The following NRXN3 variants were observed in gnomAD, a reference collection of about 807,000 sequenced individuals.
NRXN3 encodes neurexin III.
Under a neutral mutation model 137.6 loss-of-function variants are expected in NRXN3, and 32 were observed. That is an observed-to-expected ratio of 0.23 (90% CI 0.18 to 0.31). The LOEUF (loss-of-function observed/expected upper bound fraction) is 0.31, where lower values mean the gene tolerates loss of function less well. Ranked by LOEUF, NRXN3 falls within the 10% of genes least tolerant of loss-of-function variation. The pLI is 1.00. For missense variants in NRXN3, 1,574 were observed against 2,062.5 expected, an observed-to-expected ratio of 0.76 and a Z score of 4.59; for synonymous variants, 798 against 784.5, an observed-to-expected ratio of 1.02 and a Z score of -0.29.
chr14:79,714,559 G>GT (rs138403394), intron 19 of NRXN3, among the ~76,000 whole-genome samples: 2,870 of 151,932 alleles, frequency 0.019, 94 homozygotes, highest in African/African-American at 0.064. Flanking sequence ...GGAGATTCTT[G>GT]TTTTTTTTAA....
intron 15 of NRXN3, among the ~76,000 whole-genome samples, chr14:79,380,141 T>C (rs2153451741): frequency 9.1e-6 from 1 of 109,912 alleles, no homozygotes; most frequent in East Asian, 3.1e-4. Context: ...GACCTAGATA[T>C]ACTTCTTCTT....
At chr14:78,231,991 G>A (rs1385881710) in intron 1 of NRXN3, among the ~76,000 whole-genome samples, 1 of 152,212 alleles carries the variant, frequency 6.6e-6, no homozygotes, top group African/African-American at 2.4e-5. Flanking sequence ...ATCTGCTCCT[G>A]GCTCCCAGGC....
intron 14 of NRXN3, among the ~76,000 whole-genome samples, chr14:78,978,850 A>T (rs1481466440): frequency 6.6e-6 from 1 of 151,280 alleles, no homozygotes; most frequent in Non-Finnish European, 1.5e-5. Flanking sequence ...GAAACTCCAC[A>T]GTCCGCTGTC....
At chr14:79,806,781 C>T (rs140798957) in intron 20 of NRXN3, among the ~76,000 whole-genome samples, 15 of 148,838 alleles carry the variant, frequency 1.0e-4, no homozygotes, top group African/African-American at 2.2e-4. Flanking sequence ...TAACTCCTCG[C>T]GTAATTCAAT....
At chr14:79,157,228 A>C (rs1568454141) in intron 15 of NRXN3, among the ~76,000 whole-genome samples, 2 of 151,800 alleles carry the variant, frequency 1.3e-5, no homozygotes, top group Non-Finnish European at 2.9e-5. Flanking sequence ...AGATATAAAA[A>C]TGATTGCATA....
chr14:78,363,386 A>T (rs2085421454), intron 4 of NRXN3, among the ~76,000 whole-genome samples: 1 of 152,202 alleles, frequency 6.6e-6, no homozygotes, highest in Non-Finnish European at 1.5e-5. Context: ...AATGATTGTG[A>T]AGAAGAGAAC....
intron 1 of NRXN3, among the ~76,000 whole-genome samples, chr14:78,233,688 CAAA>C (rs10673907): frequency 8.5e-6 from 1 of 117,624 alleles, no homozygotes. Flanking sequence ...AAGTATGCTT[CAAA>C]AAAAAAAAAA....
chr14:79,390,191 C>T (rs1566989556), intron 15 of NRXN3, among the ~76,000 whole-genome samples: 1 of 151,940 alleles, frequency 6.6e-6, no homozygotes, highest in Non-Finnish European at 1.5e-5. Flanking sequence ...GTGGCGGGCA[C>T]CTGTAGTCCC....
At chr14:78,788,280 G>GT (rs1567312664) in intron 8 of NRXN3, among the ~76,000 whole-genome samples, 3 of 152,052 alleles carry the variant, frequency 2.0e-5, no homozygotes, top group Non-Finnish European at 4.4e-5. Flanking sequence ...ACTGAGCATG[G>GT]TATTATCAGG....
intron 15 of NRXN3, among the ~76,000 whole-genome samples, chr14:79,033,408 T>C (rs1203350951): frequency 6.6e-6 from 1 of 152,102 alleles, no homozygotes; most frequent in Non-Finnish European, 1.5e-5. Flanking sequence ...GGGAACAGTG[T>C]AGCATAGCTC....
intron 15 of NRXN3, among the ~76,000 whole-genome samples, chr14:79,286,129 A>G (rs116918262): frequency 0.017 from 2,624 of 152,214 alleles, 33 homozygotes; most frequent in South Asian, 0.026. Context: ...CTTTATTTGC[A>G]CATAGACTAA....
chr14:78,593,294 CTT>C (rs1043553073), intron 4 of NRXN3, among the ~76,000 whole-genome samples: 2 of 152,186 alleles, frequency 1.3e-5, no homozygotes. Context: ...AGGAAAAACT[CTT>C]TGAAGTGAGA....
At chr14:78,312,665 G>A (rs80030126) in intron 4 of NRXN3, among the ~76,000 whole-genome samples, 6,214 of 150,752 alleles carry the variant, frequency 0.041, 392 homozygotes, top group African/African-American at 0.14. Context: ...CAATTTTTTC[G>A]GGGTTCTACC....
At chr14:78,492,648 C>T (rs976818835) in intron 4 of NRXN3, among the ~76,000 whole-genome samples, 1 of 152,128 alleles carries the variant, frequency 6.6e-6, no homozygotes, top group Admixed American at 6.5e-5. Context: ...AAGCTATTTA[C>T]AGATACACTC....
At chr14:78,795,985 C>A (rs184533832) in intron 8 of NRXN3, among the ~76,000 whole-genome samples, 4 of 152,302 alleles carry the variant, frequency 2.6e-5, no homozygotes. Context: ...AGGACAAGAG[C>A]TTTCTTACCT....
chr14:79,442,965 G>C (rs1031912724), intron 15 of NRXN3, among the ~76,000 whole-genome samples: 3 of 152,150 alleles, frequency 2.0e-5, no homozygotes, highest in South Asian at 2.1e-4. Context: ...GAAATGAGCC[G>C]GCGAGGCCAA....
intron 16 of NRXN3, among the ~76,000 whole-genome samples, chr14:79,652,982 C>T (rs1037545247): frequency 6.6e-6 from 1 of 151,786 alleles, no homozygotes; most frequent in Non-Finnish European, 1.5e-5. Flanking sequence ...TGATAGTTGA[C>T]GAAGAAGAGA....
intron 15 of NRXN3, among the ~76,000 whole-genome samples, chr14:79,115,244 G>A (rs1016589890): frequency 6.7e-6 from 1 of 149,364 alleles, no homozygotes; most frequent in African/African-American, 2.5e-5. Context: ...AGAATCGCTT[G>A]AACCTGGGAG....
chr14:79,677,245 G>T (rs1204124538), intron 17 of NRXN3, among the ~76,000 whole-genome samples: 3 of 151,926 alleles, frequency 2.0e-5, no homozygotes, highest in Non-Finnish European at 4.4e-5. Context: ...TAAACAAAAT[G>T]ATAAATAGGA....
Sources: allele counts gnomAD v4.1 joint callset (sites outside exome capture counted in the v4.1 genomes callset), GRCh38; gene constraint gnomAD v4.1.1; transcripts MANE v1.5; gene names NCBI Gene and HGNC (gene_info 2026-07-23, HGNC 2026-07-21).